The following PIEZO2 variants were observed in gnomAD, a reference collection of about 807,000 sequenced individuals.
The protein encoded by PIEZO2 is piezo type mechanosensitive ion channel component 2.
PIEZO2 carries 172 observed loss-of-function variants against 337.3 expected under a neutral mutation model. That is an observed-to-expected ratio of 0.51 (90% confidence interval 0.45 to 0.58). PIEZO2 has a LOEUF of 0.58. PIEZO2 is among the 20% of genes least tolerant of loss of function. The pLI is 0.00. For synonymous variants in PIEZO2, 1,251 were observed against 1,228.5 expected, an observed-to-expected ratio of 1.02 and a Z score of -0.38; for missense variants, 3,028 against 3,391.3, an observed-to-expected ratio of 0.89 and a Z score of 2.66.
intron 1 of PIEZO2, among the ~76,000 whole-genome samples, chr18:11,075,553 C>T (rs908143965): frequency 2.0e-5 from 3 of 152,208 alleles, no homozygotes; most frequent in Non-Finnish European, 4.4e-5. Context: ...TCCTCTCCCC[C>T]TCTAGTCTCA....
At chr18:11,138,445 G>A (rs935814816) in intron 1 of PIEZO2, among the ~76,000 whole-genome samples, 1 of 152,146 alleles carries the variant, frequency 6.6e-6, no homozygotes, top group African/African-American at 2.4e-5. Context: ...ACAGGCGTGT[G>A]CCACCTCACC....
intron 16 of PIEZO2, 34 bp downstream of exon 16, chr18:10,787,002 T>C (rs1328596581): frequency 6.6e-6 from 10 of 1,506,186 alleles, no homozygotes; most frequent in Middle Eastern, 1.7e-4. Flanking sequence ...CAAGTCTTCA[T>C]CTTGTTCATC....
In PIEZO2 at chr18:11,049,185, A is replaced by G. The variant is rs113128511; in HGVS notation, c.160+16942T>C. ...GGCTTTATCCATCTCTTCAGCACGT[A>G]TCAGGCCTGATGAGTTCTTGTGAAC... On this transcript the variant is annotated intron_variant, in intron 2 of 55. Coordinates refer to ENST00000674853, the MANE Select transcript of PIEZO2 (RefSeq NM_001378183.1). Among the ~76,000 whole-genome samples, 273 of 152,318 alleles carry G rather than the reference A, an allele frequency of 1.8e-3. 1 individual carries two copies. The highest frequency in any genetic ancestry group is 6.4e-3 in the African/African-American group (267 of 41,580).
intron 1 of PIEZO2, among the ~76,000 whole-genome samples, chr18:11,142,298 C>T (rs1225204668): frequency 6.6e-6 from 1 of 151,830 alleles, no homozygotes; most frequent in Non-Finnish European, 1.5e-5. Flanking sequence ...TTTTCTATGC[C>T]TATTAGATAA....
At position 11,148,496 on chromosome 18, in the gene PIEZO2, A is replaced by G. The variant is rs1347086615; in HGVS notation, c.64+29T>C. On this transcript the variant is annotated intron_variant, in intron 1 of 55. Coordinates refer to ENST00000674853, the MANE Select transcript of PIEZO2 (RefSeq NM_001378183.1). This position sits in a 1 kb window ranked among gnomAD's most constrained non-coding sequence, Gnocchi z 5.2. ...CCAGGCGCCCCCCTCGTCCTCCTCAAGTGCCCTCGGAAAGCGGACCAGACT... is the reference window on the plus strand; with the variant it reads ...CCAGGCGCCCCCCTCGTCCTCCTCAGGTGCCCTCGGAAAGCGGACCAGACT... 6.5e-7 allele frequency: 1 copy of G among 1,536,646 alleles called. No individual in the cohort carries two copies. Among genetic ancestry groups the G allele is most frequent in the East Asian group, 2.4e-5 (1 of 40,866 alleles).
rs1460149598 is a variant in PIEZO2 at position 10,977,318 on chromosome 18, A to ATG, written c.286+2216_286+2217insCA. On this transcript the variant is annotated intron_variant, in intron 3 of 55. Transcript: ENST00000674853. The stretch of plus-strand genomic sequence containing the variant: ...ATAAGTTACATATATATATATATAT[A>ATG]TAAACTCAAAATTTAAAAATCTGAT... 2.6e-5 allele frequency among the ~76,000 whole-genome samples: 4 copies of ATG among 151,656 alleles called. No homozygotes were observed. In the East Asian group the frequency reaches 5.8e-4, roughly 22 times the overall value.
chr18:11,147,649 G>A lies in PIEZO2; in HGVS notation c.64+876C>T, dbSNP rs1412387103. On this transcript the variant is annotated intron_variant, in intron 1 of 55. Coordinates refer to ENST00000674853, the MANE Select transcript of PIEZO2 (RefSeq NM_001378183.1). ...TGGTGAGAGGGAGAGCAAAGAACCA[G>A]GGCCCGGCATTCTTACGAGAGGAAT... is the stretch of plus-strand genomic sequence containing the variant. Among the ~76,000 whole-genome samples, 9 of 152,218 alleles carry A rather than the reference G, an allele frequency of 5.9e-5. No individual in the cohort carries two copies. In the East Asian group the frequency reaches 1.7e-3, roughly 29 times the overall value.
rs12326575 is a variant in PIEZO2, at chr18:11,009,079, T to C, written c.161-29419A>G. Among the ~76,000 whole-genome samples the C allele has an allele frequency of 0.2, 30,310 of 152,254 alleles. 3,215 individuals are homozygous for C. The highest frequency in any genetic ancestry group is 0.26 in the African/African-American group (10,602 of 41,558). On this transcript the variant is annotated intron_variant, in intron 2 of 55. Coordinates refer to ENST00000674853, the MANE Select transcript of PIEZO2 (RefSeq NM_001378183.1). The surrounding 1 kb of genome is among the most constrained non-coding windows in gnomAD (Gnocchi z 4.6). ...TTCTGTTACTTAACTACGTACGTGA[T>C]TGTGTTCAAATCCTTCAGAATCTCT... is the stretch of plus-strand genomic sequence containing the variant.
At chr18:10,702,278 C>T in intron 42 of PIEZO2, 107 bp from the exon 43 acceptor site, 1 of 1,074,506 alleles carries the variant, frequency 9.3e-7, no homozygotes, top group Non-Finnish European at 1.3e-6. Flanking sequence ...CCGCATTTCA[C>T]AGTTTTGATG....
chr18:10,682,254 C>A lies in PIEZO2; in HGVS notation c.7536G>T (p.Val2512=). Residue 2512 remains valine, a synonymous_variant, in exon 50 of 56, where the codon GTG becomes GTT. Coordinates refer to ENST00000674853, the MANE Select transcript of PIEZO2 (RefSeq NM_001378183.1). This position sits in a 1 kb window ranked among gnomAD's most constrained non-coding sequence, Gnocchi z 5.6. Reference sequence around the variant, plus strand: ...TCATTCCTCCCATGCCATACTTCACCACTTTCTTCTTCTTCTGGCCCCGTG... The same window carrying A: ...TCATTCCTCCCATGCCATACTTCACAACTTTCTTCTTCTTCTGGCCCCGTG... The part of the protein sequence containing the change: ...PQPRGQKKKK[V]VKYGMGGMII... 6.5e-7 allele frequency: 1 copy of A among 1,537,148 alleles called. No homozygotes were observed. Among genetic ancestry groups the A allele is most frequent in the Non-Finnish European group, 8.7e-7 (1 of 1,146,856 alleles).
In PIEZO2 at chr18:10,883,659, A is replaced by G. The variant is rs145440899; in HGVS notation, c.330-12244T>C. ...TAAGCAATTTCCAAGAATACAATACATTAGTAACTAGAGTCACCATGATGT... is the reference window on the plus strand; with the variant it reads ...TAAGCAATTTCCAAGAATACAATACGTTAGTAACTAGAGTCACCATGATGT... On this transcript the variant is annotated intron_variant, in intron 4 of 55. Coordinates refer to ENST00000674853, the MANE Select transcript of PIEZO2 (RefSeq NM_001378183.1). Among the ~76,000 whole-genome samples, 88 of 152,264 alleles carry G rather than the reference A, an allele frequency of 5.8e-4. 1 individual carries two copies. In the Middle Eastern group the frequency reaches 0.01, roughly 18 times the overall value.
chr18:11,135,227 G>A (rs1396398687), intron 1 of PIEZO2, among the ~76,000 whole-genome samples: 1 of 152,036 alleles, frequency 6.6e-6, no homozygotes, highest in African/African-American at 2.4e-5. Flanking sequence ...GCGATAACGA[G>A]ATATGGACCA....
chr18:10,792,203 C>A (rs2039431399), intron 13 of PIEZO2, among the ~76,000 whole-genome samples: 2 of 152,228 alleles, frequency 1.3e-5, no homozygotes. Flanking sequence ...CCTGCCTTGG[C>A]CTCCCAAAAT....
chr18:10,951,817 T>C (rs967550485), intron 3 of PIEZO2, among the ~76,000 whole-genome samples: 6 of 152,208 alleles, frequency 3.9e-5, no homozygotes, highest in Admixed American at 2.0e-4. Context: ...AGCTTACTTA[T>C]CTATCATTCC....
intron 2 of PIEZO2, among the ~76,000 whole-genome samples, chr18:11,006,353 G>A (rs1052838293): frequency 6.6e-6 from 1 of 152,154 alleles, no homozygotes; most frequent in Non-Finnish European, 1.5e-5. Flanking sequence ...ATAACTGAAC[G>A]AATGAATGAA....
In PIEZO2 at chr18:10,861,496, C is replaced by A. The variant is rs2041871407; in HGVS notation, c.493-4285G>T. Among the ~76,000 whole-genome samples, 2 of 152,130 alleles carry A rather than the reference C, an allele frequency of 1.3e-5. No homozygotes were observed. The highest frequency in any genetic ancestry group is 1.9e-4 in the East Asian group (1 of 5,166). On this transcript the variant is annotated intron_variant, in intron 5 of 55. Coordinates refer to ENST00000674853, the MANE Select transcript of PIEZO2 (RefSeq NM_001378183.1). This position sits in a 1 kb window ranked among gnomAD's most constrained non-coding sequence, Gnocchi z 4.3. ...GAAGAATATGCTAATTGAAATAAGC[C>A]AGGCACAGAAAGACAAATACGGCAT... is the stretch of plus-strand genomic sequence containing the variant.
chr18:11,031,802 T>C lies in PIEZO2; in HGVS notation c.160+34325A>G, dbSNP rs1316710132. Among the ~76,000 whole-genome samples, 2 of 152,166 alleles carry C rather than the reference T, an allele frequency of 1.3e-5. No homozygotes were observed. Among genetic ancestry groups the C allele is most frequent in the Non-Finnish European group, 2.9e-5 (2 of 68,018 alleles). ...AACTGGGACATTAAGGTATGGGGCA[T>C]GAGGTGTTGGCAAGCTCAGGGCAAT... On this transcript the variant is annotated intron_variant, in intron 2 of 55. Coordinates refer to ENST00000674853, the MANE Select transcript of PIEZO2 (RefSeq NM_001378183.1). This position sits in a 1 kb window ranked among gnomAD's most constrained non-coding sequence, Gnocchi z 4.7.
chr18:10,886,831 G>A (rs1057444130), intron 4 of PIEZO2, among the ~76,000 whole-genome samples: 4 of 151,758 alleles, frequency 2.6e-5, no homozygotes, highest in Non-Finnish European at 5.9e-5. Flanking sequence ...GGCCTTTCTT[G>A]TCTTGCTATA....
chr18:10,879,987 T>C (rs556623410), intron 4 of PIEZO2, among the ~76,000 whole-genome samples: 17 of 152,278 alleles, frequency 1.1e-4, no homozygotes, highest in South Asian at 8.3e-4. Flanking sequence ...AAAACTACTA[T>C]AAAAATGACA....
Sources: gnomAD v4.1 joint callset for allele counts (sites outside exome capture counted in the v4.1 genomes callset) on GRCh38, gnomAD v4.1.1 for gene constraint, Gnocchi (gnomAD v3.1) non-coding constraint, MANE v1.5 for transcripts, NCBI Gene and HGNC (gene_info 2026-07-23, HGNC 2026-07-21) for gene names.